Variants in MVB12B observed in about 807,000 individuals in gnomAD.
MVB12B encodes multivesicular body subunit 12B, also known as ESCRT-I complex subunit MVB12B.
A neutral mutation model predicts 41.6 loss-of-function variants in MVB12B; 16 were observed. The ratio of observed to expected loss-of-function variants is 0.38; its 90% CI spans 0.26 to 0.58. The LOEUF (loss-of-function observed/expected upper bound fraction) is 0.58. Among genes scored for constraint, MVB12B ranks in the 20% least tolerant of loss-of-function variants. The pLI is 0.62. For missense variants in MVB12B, 274 were observed against 380.2 expected (o/e 0.72, Z 2.32); for synonymous variants, 133 against 139.7 (o/e 0.95, Z 0.34).
intron 2 of MVB12B, among the ~76,000 whole-genome samples, chr9:126,362,101 T>C (rs749272575): frequency 6.6e-6 from 1 of 152,194 alleles, no homozygotes; most frequent in African/African-American, 2.4e-5. Context: ...GTTTTCTTAA[T>C]GTTTATTCTG....
intron 1 of MVB12B, among the ~76,000 whole-genome samples, chr9:126,331,394 G>T (rs1184085916): frequency 6.6e-6 from 1 of 152,208 alleles, no homozygotes; most frequent in Non-Finnish European, 1.5e-5. Context: ...TTGGGTGCTG[G>T]TTGGCTATTC....
At position 126,395,578 on chromosome 9, in the gene MVB12B, A is replaced by G. The variant is rs570867160; in HGVS notation, c.543A>G (p.Glu181=). 5 of 1,614,180 alleles carry G rather than the reference A, an allele frequency of 3.1e-6. No homozygotes were observed. The African/African-American group carries it at 5.3e-5, about 17-fold the overall frequency. ...QAPPQYTFIG[E]LNSMGIWYRM... is the part of the protein sequence containing the mutation. ...AGATTTCTCTTTTTTCCTAAAGGGA[A>G]CTGAACAGCATGGGGATCTGGTATC... Residue 181 remains glutamate, a synonymous_variant, in exon 6 of 10, where the codon GAA becomes GAG. Transcript: ENST00000361171. This position sits in a 1 kb window ranked among gnomAD's most constrained non-coding sequence, Gnocchi z 4.9.
intron 7 of MVB12B, among the ~76,000 whole-genome samples, chr9:126,477,257 A>AG (rs1554784907): frequency 6.6e-6 from 1 of 152,240 alleles, no homozygotes; most frequent in Non-Finnish European, 1.5e-5. Flanking sequence ...CCAAGCCATG[A>AG]GGGATCCACC....
chr9:126,464,931 G>A (rs760902335), intron 7 of MVB12B, among the ~76,000 whole-genome samples: 1 of 152,194 alleles, frequency 6.6e-6, no homozygotes, highest in Non-Finnish European at 1.5e-5. Context: ...GTTACTCCCG[G>A]CGTGCTTTGC....
intron 2 of MVB12B, among the ~76,000 whole-genome samples, chr9:126,377,915 G>A (rs568704858): frequency 1.3e-5 from 2 of 152,300 alleles, no homozygotes; most frequent in African/African-American, 2.4e-5. Context: ...AAACATTCGC[G>A]CTGTCTTTGG....
chr9:126,391,951 G>C lies in MVB12B; in HGVS notation c.410-115G>C. 1.1e-5 allele frequency: 14 copies of C among 1,238,380 alleles called. No individual in the cohort carries two copies. Among genetic ancestry groups the C allele is most frequent in the Non-Finnish European group, 1.6e-5 (14 of 859,900 alleles). The allele number at this position is 1,238,380 out of a possible 1,614,324, so 76.7% of individuals were successfully genotyped here. Reference sequence around the variant, plus strand: ...CGCAGCCCTTCTGTCCAGCAGCTTAGGTGACCTGCCACTTCTGCTGCCAGG... The same window carrying C: ...CGCAGCCCTTCTGTCCAGCAGCTTACGTGACCTGCCACTTCTGCTGCCAGG... On this transcript the variant is annotated intron_variant, in intron 4 of 9. Transcript: ENST00000361171. The surrounding 1 kb of genome is among the most constrained non-coding windows in gnomAD (Gnocchi z 4.4).
chr9:126,347,770 A>G (rs1226393832), intron 2 of MVB12B, among the ~76,000 whole-genome samples: 1 of 152,274 alleles, frequency 6.6e-6, no homozygotes, highest in East Asian at 1.9e-4. Context: ...GATGGCAACT[A>G]TATCTTGTTA....
At position 126,459,674 on chromosome 9, in the gene MVB12B, A is replaced by G. The variant is rs1833050118; in HGVS notation, c.758-21695A>G. ...ATGCCTGCGGGTTTGAGAGTTTTGG[A>G]GCAGAAGGATGCCTCTTCTGGATGT... On this transcript the variant is annotated intron_variant, in intron 7 of 9. Transcript: ENST00000361171. The surrounding 1 kb of genome is among the most constrained non-coding windows in gnomAD (Gnocchi z 4.3). 1.3e-5 allele frequency among the ~76,000 whole-genome samples: 2 copies of G among 151,936 alleles called. No individual in the cohort carries two copies. Among genetic ancestry groups the G allele is most frequent in the Non-Finnish European group, 2.9e-5 (2 of 68,000 alleles).
intron 9 of MVB12B, among the ~76,000 whole-genome samples, chr9:126,500,314 G>A (rs1833927269): frequency 6.6e-6 from 1 of 152,172 alleles, no homozygotes; most frequent in Non-Finnish European, 1.5e-5. Context: ...GATGCTTCGC[G>A]TTTGCAGGCA....
intron 5 of MVB12B, among the ~76,000 whole-genome samples, chr9:126,393,165 G>T (rs777868248): frequency 3.3e-5 from 5 of 152,198 alleles, no homozygotes; most frequent in Non-Finnish European, 7.3e-5. Flanking sequence ...TCTGTTGATT[G>T]TAAGTGACAG....
At position 126,480,076 on chromosome 9, in the gene MVB12B, C is replaced by T. The variant is rs1486241544; in HGVS notation, c.758-1293C>T. ...ACTGGGGGAAGCAAAGATTGTTGGT[C>T]CCAGGAGCGCACTGCCCGACGCTGC... On this transcript the variant is annotated intron_variant, in intron 7 of 9. Coordinates refer to ENST00000361171, the MANE Select transcript of MVB12B (RefSeq NM_033446.3). The surrounding 1 kb of genome is among the most constrained non-coding windows in gnomAD (Gnocchi z 4.9). 6.6e-6 allele frequency among the ~76,000 whole-genome samples: 1 copy of T among 152,194 alleles called. No individual in the cohort carries two copies. Among genetic ancestry groups the T allele is most frequent in the Non-Finnish European group, 1.5e-5 (1 of 68,044 alleles).
chr9:126,392,235 C>T lies in MVB12B; in HGVS notation c.539+40C>T, dbSNP rs879234005. 4.3e-6 allele frequency: 7 copies of T among 1,611,088 alleles called. No homozygotes were observed. In the South Asian group the frequency reaches 6.6e-5, roughly 15 times the overall value. The stretch of plus-strand genomic sequence containing the variant: ...CAGGACTGTCAGCTGCTTCTCTTCC[C>T]TGAGAGCACTCAGGCCACTCCAGGC... On this transcript the variant is annotated intron_variant, in intron 5 of 9. Transcript: ENST00000361171. This position sits in a 1 kb window ranked among gnomAD's most constrained non-coding sequence, Gnocchi z 4.8.
At chr9:126,356,700 C>T (rs1588101458) in intron 2 of MVB12B, among the ~76,000 whole-genome samples, 1 of 151,996 alleles carries the variant, frequency 6.6e-6, no homozygotes, top group South Asian at 2.1e-4. Flanking sequence ...GTGATTGGAT[C>T]ACGAGGGCGG....
At chr9:126,423,088 G>A (rs533316120) in intron 7 of MVB12B, among the ~76,000 whole-genome samples, 1 of 152,288 alleles carries the variant, frequency 6.6e-6, no homozygotes, top group South Asian at 2.1e-4. Flanking sequence ...TAACAAGTGT[G>A]GAAAGATGAC....
chr9:126,369,066 GTTC>G (rs1340978571), intron 2 of MVB12B, among the ~76,000 whole-genome samples: 1 of 152,172 alleles, frequency 6.6e-6, no homozygotes, highest in African/African-American at 2.4e-5. Flanking sequence ...TCAGCCTGTA[GTTC>G]TTTTACCTTC....
At chr9:126,383,016 G>A (rs1588126539) in intron 3 of MVB12B, among the ~76,000 whole-genome samples, 1 of 152,326 alleles carries the variant, frequency 6.6e-6, no homozygotes, top group South Asian at 2.1e-4. Flanking sequence ...AGATAGGTGC[G>A]TGGTGCATAT....
intron 1 of MVB12B, among the ~76,000 whole-genome samples, chr9:126,331,115 G>A (rs1829119268): frequency 6.6e-6 from 1 of 152,100 alleles, no homozygotes; most frequent in Admixed American, 6.5e-5. Flanking sequence ...CTTTTGTGTA[G>A]ATACCCAGAA....
intron 7 of MVB12B, among the ~76,000 whole-genome samples, chr9:126,455,177 TTTTTATTTTA>T (rs565045371): frequency 1.3e-4 from 19 of 151,336 alleles, no homozygotes; most frequent in Middle Eastern, 3.4e-3. Flanking sequence ...TTTATTTTAT[TTTTTATTTTA>T]TTTTATTTTA....
rs375190267 is a variant in MVB12B at position 126,426,975 on chromosome 9, TTTTC to T, written c.757+5031_757+5034del. ...TCTACCGCCAAAATGAGTGCTCTTG[TTTTC>T]TTTATTTCTTTAGTTCTGCACTTTC... On this transcript the variant is annotated intron_variant, in intron 7 of 9. Coordinates refer to ENST00000361171, the MANE Select transcript of MVB12B (RefSeq NM_033446.3). 2.7e-4 allele frequency: 41 copies of T among 152,486 alleles called. 1 individual carries two copies. The highest frequency in any genetic ancestry group is 9.6e-4 in the African/African-American group (40 of 41,566). 9.4% of individuals were successfully genotyped at this position (152,486 alleles called of 1,614,324 possible). A position where few individuals can be genotyped will look rare whatever the true frequency, so the allele number is the denominator to read the frequency against.
Sources: gnomAD v4.1 joint callset for allele counts (sites outside exome capture counted in the v4.1 genomes callset) on GRCh38, gnomAD v4.1.1 for gene constraint, Gnocchi (gnomAD v3.1) non-coding constraint, MANE v1.5 for transcripts, NCBI Gene and HGNC (gene_info 2026-07-23, HGNC 2026-07-21) for gene names.